Variants in ZNF503 observed in about 807,000 individuals in gnomAD.
The protein encoded by ZNF503 is NocA-like zinc finger 2.
ZNF503 carries 15 observed loss-of-function variants against 34.4 expected under a neutral mutation model. The ratio of observed to expected loss-of-function variants is 0.44; its 90% CI spans 0.29 to 0.67. The LOEUF is 0.67. Ranked by LOEUF, ZNF503 falls within the 30% of genes least tolerant of loss-of-function variation. ZNF503 has a pLI of 0.13. For missense variants in ZNF503, 1,007 were observed against 926.8 expected, an observed-to-expected ratio of 1.09 and a Z score of -1.12; for synonymous variants, 580 against 456.8, an observed-to-expected ratio of 1.27 and a Z score of -3.44.
At chr10:75,282,982 C>T in the ZNF503 span, among the ~76,000 whole-genome samples, 1 of 152,252 alleles carries the variant, frequency 6.6e-6, no homozygotes, top group Non-Finnish European at 1.5e-5. Context: ...TGTCACCCTT[C>T]TTACCAGGAG....
downstream of ZNF503, among the ~76,000 whole-genome samples, chr10:75,396,374 A>G (rs1036037320): frequency 1.3e-5 from 2 of 152,164 alleles, no homozygotes; most frequent in African/African-American, 4.8e-5. The surrounding 1 kb of genome is among the most constrained non-coding windows in gnomAD (Gnocchi z 4.4). Flanking sequence ...GCGGAGCCAG[A>G]GTCCCCACCA....
At chr10:75,293,036 T>G in the ZNF503 span, among the ~76,000 whole-genome samples, 1 of 152,178 alleles carries the variant, frequency 6.6e-6, no homozygotes, top group East Asian at 1.9e-4. Context: ...GTTGCAGGGA[T>G]AGGTGTTAAA....
chr10:75,341,652 G>A, the ZNF503 span, among the ~76,000 whole-genome samples: 2 of 151,852 alleles, frequency 1.3e-5, no homozygotes, highest in Non-Finnish European at 2.9e-5. Context: ...ATTTATAAGC[G>A]AACACCCATA....
At chr10:75,370,099 T>TAAATAAATAAAA in the ZNF503 span, among the ~76,000 whole-genome samples, 2 of 151,424 alleles carry the variant, frequency 1.3e-5, no homozygotes, top group Non-Finnish European at 2.9e-5. Context: ...AATAAATAAA[T>TAAATAAATAAAA]AAAATGAAGT....
At chr10:75,280,919 T>C in the ZNF503 span, among the ~76,000 whole-genome samples, 4 of 152,154 alleles carry the variant, frequency 2.6e-5, no homozygotes, top group Middle Eastern at 3.4e-3. Context: ...AGGTAATGTG[T>C]GCATGAGGGT....
the ZNF503 span, among the ~76,000 whole-genome samples, chr10:75,388,384 G>T: frequency 6.6e-6 from 1 of 152,198 alleles, no homozygotes; most frequent in Non-Finnish European, 1.5e-5. Flanking sequence ...GGGAAGAGAT[G>T]TGCACATATG....
At chr10:75,305,619 A>G in the ZNF503 span, among the ~76,000 whole-genome samples, 1 of 152,200 alleles carries the variant, frequency 6.6e-6, no homozygotes, top group East Asian at 1.9e-4. Flanking sequence ...TCCATCTTCA[A>G]AATTCTTTTA....
the ZNF503 span, among the ~76,000 whole-genome samples, chr10:75,380,900 C>T: frequency 0.014 from 2,119 of 152,254 alleles, 46 homozygotes; most frequent in African/African-American, 0.047. Flanking sequence ...CATCATGATC[C>T]CCTTATGGCA....
At chr10:75,296,703 A>C in the ZNF503 span, 1 of 152,234 alleles carries the variant, frequency 6.6e-6, no homozygotes, top group African/African-American at 2.4e-5. Flanking sequence ...TCTTGAGAGA[A>C]AAATGGAAAG....
chr10:75,387,084 G>A, the ZNF503 span, among the ~76,000 whole-genome samples: 1 of 152,242 alleles, frequency 6.6e-6, no homozygotes, highest in African/African-American at 2.4e-5. Flanking sequence ...ACTTTCCATA[G>A]CTGGAGGCTC....
the ZNF503 span, among the ~76,000 whole-genome samples, chr10:75,283,566 G>A: frequency 6.6e-6 from 1 of 152,128 alleles, no homozygotes. Flanking sequence ...TATGTTTCGA[G>A]GGGGGAGACA....
chr10:75,338,279 T>C, the ZNF503 span: 1 of 152,246 alleles, frequency 6.6e-6, no homozygotes, highest in Non-Finnish European at 1.5e-5. Flanking sequence ...TTTTTCCTTT[T>C]TTCACCTTGC....
intron 1 of ZNF503, 114 bp downstream of exon 1, chr10:75,400,991 C>G (rs1843795789): frequency 1.4e-6 from 2 of 1,453,164 alleles, no homozygotes; most frequent in Admixed American, 2.1e-5. Flanking sequence ...TTCCCCCATT[C>G]GGGAGCTGAA....
At chr10:75,354,201 C>A in the ZNF503 span, among the ~76,000 whole-genome samples, 2 of 152,194 alleles carry the variant, frequency 1.3e-5, no homozygotes, top group Non-Finnish European at 2.9e-5. Context: ...AAACCACTAC[C>A]TCCATGGCCA....
the ZNF503 span, among the ~76,000 whole-genome samples, chr10:75,294,219 C>T: frequency 6.6e-6 from 1 of 152,210 alleles, no homozygotes; most frequent in East Asian, 1.9e-4. Context: ...CTTTGTGTTT[C>T]TCCTCTGTTT....
At chr10:75,353,880 G>C in the ZNF503 span, among the ~76,000 whole-genome samples, 1 of 152,220 alleles carries the variant, frequency 6.6e-6, no homozygotes, top group Admixed American at 6.5e-5. Flanking sequence ...CAATAGATGC[G>C]AGAGTGGAAC....
At chr10:75,400,777 C>T (rs922273683) in intron 1 of ZNF503, among the ~76,000 whole-genome samples, 3 of 152,232 alleles carry the variant, frequency 2.0e-5, no homozygotes, top group Non-Finnish European at 4.4e-5. Context: ...CTGGCTTCTG[C>T]GGATACGAAG....
chr10:75,380,188 G>A, the ZNF503 span, among the ~76,000 whole-genome samples: 2,780 of 152,286 alleles, frequency 0.018, 89 homozygotes, highest in African/African-American at 0.062. Flanking sequence ...GGAAGACTGC[G>A]GAGGCAGATT....
At chr10:75,309,708 C>T in the ZNF503 span, among the ~76,000 whole-genome samples, 3 of 152,160 alleles carry the variant, frequency 2.0e-5, no homozygotes, top group African/African-American at 7.2e-5. Context: ...GTGATGTTCA[C>T]TTTATCATGG....
Sources: gnomAD v4.1 joint callset for allele counts (sites outside exome capture counted in the v4.1 genomes callset) on GRCh38, gnomAD v4.1.1 for gene constraint, Gnocchi (gnomAD v3.1) non-coding constraint, MANE v1.5 for transcripts, NCBI Gene and HGNC (gene_info 2026-07-23, HGNC 2026-07-21) for gene names.